The following PLXNA2 variants were observed in gnomAD, a reference collection of about 807,000 sequenced individuals.
PLXNA2 encodes plexin-A2.
A neutral mutation model predicts 193.5 loss-of-function variants in PLXNA2; 91 were observed. The observed-to-expected ratio is 0.47, with a 90% CI of 0.40 to 0.56. PLXNA2 has a LOEUF of 0.56. PLXNA2 is among the 20% of genes least tolerant of loss of function. The probability of loss-of-function intolerance (pLI) is 0.00; values close to 1 mark genes in which losing one functional copy is unlikely to be tolerated. For synonymous variants in PLXNA2, 997 were observed against 1,027.3 expected (o/e 0.97, Z 0.56); for missense variants, 1,995 against 2,503.2 (o/e 0.80, Z 4.33).
intron 1 of PLXNA2, among the ~76,000 whole-genome samples, chr1:208,234,267 A>G (rs1487740110): frequency 6.6e-6 from 1 of 152,158 alleles, no homozygotes; most frequent in South Asian, 2.1e-4. Context: ...CCCGGGTAAA[A>G]GGTACTATTA....
intron 3 of PLXNA2, among the ~76,000 whole-genome samples, chr1:208,205,020 T>C (rs1460162967): frequency 6.6e-6 from 1 of 152,156 alleles, no homozygotes; most frequent in Non-Finnish European, 1.5e-5. Flanking sequence ...TGCAGGGATG[T>C]GAAACCTGGG....
At chr1:208,052,914 T>A (rs1221787946) in intron 14 of PLXNA2, among the ~76,000 whole-genome samples, 1 of 151,420 alleles carries the variant, frequency 6.6e-6, no homozygotes. Flanking sequence ...CCCATGCACA[T>A]GCCCTTCTGT....
intron 9 of PLXNA2, among the ~76,000 whole-genome samples, 197 bp downstream of exon 9, chr1:208,092,589 T>A (rs756667893): frequency 7.2e-5 from 11 of 152,250 alleles, no homozygotes; most frequent in Admixed American, 6.5e-5. Flanking sequence ...AGACATAGCC[T>A]CTGCCTCTGG....
Position 208,154,269 on chromosome 1 carries a change from G to A in PLXNA2, c.1372-11806C>T, listed in dbSNP as rs569579886. Among the ~76,000 whole-genome samples, 164 of 152,310 alleles carry A rather than the reference G, an allele frequency of 1.1e-3. 5 individuals are homozygous for A. In the South Asian group the frequency reaches 0.032, roughly 30 times the overall value. On this transcript the variant is annotated intron_variant, in intron 3 of 31. Coordinates refer to ENST00000367033, the MANE Select transcript of PLXNA2 (RefSeq NM_025179.4). ...GTACAGCAGGTGCCCGGATCTCACCGCAGAGTGGGAGGAAGAGAAGCAGGG... is the reference window on the plus strand; with the variant it reads ...GTACAGCAGGTGCCCGGATCTCACCACAGAGTGGGAGGAAGAGAAGCAGGG...
intron 3 of PLXNA2, among the ~76,000 whole-genome samples, chr1:208,207,804 C>T (rs1159146775): frequency 1.3e-5 from 2 of 152,104 alleles, no homozygotes; most frequent in East Asian, 3.9e-4. Flanking sequence ...TGTCAAGTAC[C>T]TCAAAGCAGC....
chr1:208,028,230 G>T lies in PLXNA2; in HGVS notation c.5439-71C>A. ...TTTACCTATAGCTACCCCGGGCCCA[G>T]GTCCTTCGAGGGCACTGATGTACCC... is the stretch of plus-strand genomic sequence containing the variant. On this transcript the variant is annotated intron_variant, in intron 30 of 31. Coordinates refer to ENST00000367033, the MANE Select transcript of PLXNA2 (RefSeq NM_025179.4). This position sits in a 1 kb window ranked among gnomAD's most constrained non-coding sequence, Gnocchi z 4.2. 7.0e-7 allele frequency: 1 copy of T among 1,431,256 alleles called. No individual in the cohort carries two copies. The highest frequency in any genetic ancestry group is 9.5e-7 in the Non-Finnish European group (1 of 1,057,142). The allele number at this position is 1,431,256 out of a possible 1,614,324, so 88.7% of individuals were successfully genotyped here.
At chr1:208,142,509 C>T (rs781526390) in intron 3 of PLXNA2, 46 bp from the exon 4 acceptor site, 6 of 1,527,952 alleles carry the variant, frequency 3.9e-6, no homozygotes, top group Non-Finnish European at 5.3e-6. Flanking sequence ...CTCAGTATTC[C>T]CCTGTGGGCT....
At chr1:208,206,710 T>C (rs977413239) in intron 3 of PLXNA2, among the ~76,000 whole-genome samples, 1 of 152,076 alleles carries the variant, frequency 6.6e-6, no homozygotes, top group Non-Finnish European at 1.5e-5. Context: ...TCTTTGCATG[T>C]CTTCTTATCA....
In PLXNA2 at chr1:208,210,454, G is replaced by A. The variant is rs147969150; in HGVS notation, c.1197C>T (p.Pro399=). The change falls in exon 3 of 32, where the codon CCC becomes CCT. Residue 399 remains proline, a synonymous_variant. Transcript: ENST00000367033. The stretch of plus-strand genomic sequence containing the variant: ...CCAGTCCACAGAAGTTATCATCGAT[G>A]GGGACAGGCTGGAGGGAAGCGGAAG... ...KDVQCTKAPV[P]IDDNFCGLDI... is the part of the protein sequence containing the mutation. The A allele has an allele frequency of 3.8e-5, 61 of 1,612,314 alleles. 1 individual carries two copies. The Middle Eastern group carries it at 1.3e-3, about 35-fold the overall frequency.
At position 208,038,579 on chromosome 1, in the gene PLXNA2, C is replaced by T. The variant is rs73078898; in HGVS notation, c.4661-105G>A. 1,078 of 933,876 alleles carry T rather than the reference C, an allele frequency of 1.2e-3. 6 individuals carry two copies. The African/African-American group carries it at 0.016, about 14-fold the overall frequency. The allele number at this position is 933,876 out of a possible 1,614,324, so 57.8% of individuals were successfully genotyped here. On this transcript the variant is annotated intron_variant, in intron 25 of 31. Transcript: ENST00000367033. The surrounding 1 kb of genome is among the most constrained non-coding windows in gnomAD (Gnocchi z 4.1). ...TAGGGACCTGGCAACCCGGCCCCCTCAAGCTGGTACCAATAACAGAGGCTA... is the reference window on the plus strand; with the variant it reads ...TAGGGACCTGGCAACCCGGCCCCCTTAAGCTGGTACCAATAACAGAGGCTA...
chr1:208,207,740 G>T (rs1045040292), intron 3 of PLXNA2, among the ~76,000 whole-genome samples: 28 of 152,278 alleles, frequency 1.8e-4, no homozygotes, highest in Middle Eastern at 3.4e-3. Context: ...CTCTGGAGAG[G>T]GGTGGGAGCA....
At chr1:208,178,662 AG>A (rs1469208208) in intron 3 of PLXNA2, among the ~76,000 whole-genome samples, 1 of 152,208 alleles carries the variant, frequency 6.6e-6, no homozygotes, top group African/African-American at 2.4e-5. Flanking sequence ...GTATCGAATG[AG>A]GGACAATGTA....
intron 9 of PLXNA2, among the ~76,000 whole-genome samples, chr1:208,092,012 GT>G (rs530010327): frequency 6.4e-4 from 97 of 152,182 alleles, no homozygotes; most frequent in Admixed American, 1.2e-3. Flanking sequence ...CTCTATAGTT[GT>G]TCAAATCCAA....
chr1:208,076,903 C>G (rs1666166272), intron 12 of PLXNA2, among the ~76,000 whole-genome samples: 1 of 152,078 alleles, frequency 6.6e-6, no homozygotes, highest in South Asian at 2.1e-4. Flanking sequence ...CTTTGGAAAT[C>G]TGGGTGAAGG....
intron 5 of PLXNA2, among the ~76,000 whole-genome samples, chr1:208,099,742 T>G (rs1215959212): frequency 6.6e-6 from 1 of 152,066 alleles, no homozygotes; most frequent in Non-Finnish European, 1.5e-5. Flanking sequence ...GGCTAATTTT[T>G]ATATTTTTAG....
Position 208,142,425 on chromosome 1 carries a change from G to A in PLXNA2, c.1410C>T (p.Tyr470=), listed in dbSNP as rs374407002. Residue 470 remains tyrosine, a synonymous_variant, in exon 4 of 32, where the codon TAC becomes TAT. Coordinates refer to ENST00000367033, the MANE Select transcript of PLXNA2 (RefSeq NM_025179.4). ...ADGPPHGGVQ[Y]EMVSVLKDGS... ...CGTCCTTGAGCACAGAGACCATCTC[G>A]TACTGGACCCCACCATGGGGGGGAC... The A allele has an allele frequency of 1.5e-5, 24 of 1,613,042 alleles. No individual in the cohort carries two copies. The highest frequency in any genetic ancestry group is 1.6e-4 in the Middle Eastern group (1 of 6,078).
At chr1:208,177,092 C>T (rs975437941) in intron 3 of PLXNA2, among the ~76,000 whole-genome samples, 1 of 152,158 alleles carries the variant, frequency 6.6e-6, no homozygotes, top group Non-Finnish European at 1.5e-5. Flanking sequence ...ATTCATTCTG[C>T]CTGCTTTAGG....
chr1:208,177,907 T>TTGAC (rs1669709237), intron 3 of PLXNA2, among the ~76,000 whole-genome samples: 2 of 152,268 alleles, frequency 1.3e-5, no homozygotes, highest in South Asian at 4.1e-4. Context: ...TGAGAATCAC[T>TTGAC]GGGCTAGACT....
intron 12 of PLXNA2, among the ~76,000 whole-genome samples, chr1:208,068,742 T>C (rs940592544): frequency 2.6e-5 from 4 of 152,344 alleles, no homozygotes; most frequent in Non-Finnish European, 5.9e-5. Flanking sequence ...GGATAAACAT[T>C]TGGTATCTTT....
Sources: gnomAD v4.1 joint callset for allele counts (sites outside exome capture counted in the v4.1 genomes callset) on GRCh38, gnomAD v4.1.1 for gene constraint, Gnocchi (gnomAD v3.1) non-coding constraint, MANE v1.5 for transcripts, NCBI Gene and HGNC (gene_info 2026-07-23, HGNC 2026-07-21) for gene names.